Variants in ABCD2 observed in about 807,000 individuals in gnomAD.
The protein encoded by ABCD2 is ATP-binding cassette sub-family D member 2.
Under a neutral mutation model 70.9 loss-of-function variants are expected in ABCD2, and 36 were observed. The observed-to-expected ratio is 0.51, with a 90% confidence interval of 0.39 to 0.67. The LOEUF (loss-of-function observed/expected upper bound fraction) is 0.67, where lower values mean the gene tolerates loss of function less well. Among genes scored for constraint, ABCD2 ranks in the 30% least tolerant of loss-of-function variants. ABCD2 has a pLI of 0.00. For synonymous variants in ABCD2, 304 were observed against 306.9 expected (o/e 0.99, Z 0.10); for missense variants, 729 against 890.2 (o/e 0.82, Z 2.30).
At chr12:39,574,415 A>G (rs757714093) in intron 8 of ABCD2, among the ~76,000 whole-genome samples, 1 of 152,186 alleles carries the variant, frequency 6.6e-6, no homozygotes, top group Non-Finnish European at 1.5e-5. Context: ...TCAAATTCTT[A>G]GGAGGAAAAG....
chr12:39,577,837 A>G (rs1227078867), intron 8 of ABCD2, among the ~76,000 whole-genome samples: 1 of 152,192 alleles, frequency 6.6e-6, no homozygotes, highest in African/African-American at 2.4e-5. Flanking sequence ...TGAGTAGATA[A>G]ATCAAGTGTA....
At chr12:39,539,777 C>A in the ABCD2 span, 1 of 157,674 alleles carries the variant, frequency 6.3e-6, no homozygotes, top group South Asian at 1.9e-4. Context: ...TAGCTATTGT[C>A]TGTGCTGGGG....
Position 39,602,127 on chromosome 12 carries a change from TTTTATTTATTTA to T in ABCD2, c.1501-1423_1501-1412del, listed in dbSNP as rs78767678. Among the ~76,000 whole-genome samples the T allele has an allele frequency of 2.0e-3, 288 of 145,306 alleles. 2 individuals are homozygous for T. The highest frequency in any genetic ancestry group is 4.5e-3 in the African/African-American group (179 of 39,398). On this transcript the variant is annotated intron_variant, in intron 5 of 9. Transcript: ENST00000308666. ...CAAATAATTTTTAATTTTTTAAAAA[TTTTATTTATTTA>T]TTTATTTATTTATTTATTTATTTAT...
intron 5 of ABCD2, among the ~76,000 whole-genome samples, chr12:39,602,554 A>G (rs754329930): frequency 6.6e-6 from 1 of 152,206 alleles, no homozygotes; most frequent in East Asian, 1.9e-4. Flanking sequence ...ACTTCCTATT[A>G]TATTTTAGGG....
At chr12:39,560,217 G>A (rs1941235095) in intron 9 of ABCD2, among the ~76,000 whole-genome samples, 1 of 152,080 alleles carries the variant, frequency 6.6e-6, no homozygotes, top group South Asian at 2.1e-4. Context: ...GTGTCCAAGT[G>A]TTCTCATTGT....
chr12:39,570,226 G>GA (rs1295762771), intron 9 of ABCD2, among the ~76,000 whole-genome samples: 3 of 151,914 alleles, frequency 2.0e-5, no homozygotes, highest in Non-Finnish European at 4.4e-5. Context: ...CAGAGAAATA[G>GA]AAAAAAAATT....
At chr12:39,612,157 A>G (rs904052196) in intron 2 of ABCD2, among the ~76,000 whole-genome samples, 1 of 152,158 alleles carries the variant, frequency 6.6e-6, no homozygotes, top group South Asian at 2.1e-4. Flanking sequence ...TTTTTTTGGA[A>G]AACTGTTTTA....
At chr12:39,614,477 A>G (rs906004302) in intron 2 of ABCD2, among the ~76,000 whole-genome samples, 5 of 151,800 alleles carry the variant, frequency 3.3e-5, no homozygotes, top group African/African-American at 4.8e-5. Flanking sequence ...TTTTTTCTTC[A>G]TTTTATCCTC....
intron 9 of ABCD2, among the ~76,000 whole-genome samples, chr12:39,570,821 C>G (rs1452305475): frequency 6.6e-6 from 1 of 152,168 alleles, no homozygotes; most frequent in East Asian, 1.9e-4. Flanking sequence ...AGATACCTAT[C>G]AAATTGGAGA....
chr12:39,609,335 T>G (rs1253784173), intron 2 of ABCD2, among the ~76,000 whole-genome samples: 1 of 152,180 alleles, frequency 6.6e-6, no homozygotes, highest in Non-Finnish European at 1.5e-5. Context: ...ACATCTATTT[T>G]CTCACCTGTA....
chr12:39,542,826 CA>C, the ABCD2 span, among the ~76,000 whole-genome samples: 1 of 151,998 alleles, frequency 6.6e-6, no homozygotes, highest in Non-Finnish European at 1.5e-5. Context: ...AAGGGTCAGC[CA>C]ATGATCAGCT....
At chr12:39,567,269 T>C (rs546301129) in intron 9 of ABCD2, among the ~76,000 whole-genome samples, 7 of 152,272 alleles carry the variant, frequency 4.6e-5, no homozygotes, top group African/African-American at 1.7e-4. Flanking sequence ...GGAGTCTAAG[T>C]CTCTTTCTAG....
At chr12:39,604,705 G>T (rs759813985) in intron 4 of ABCD2, 57 bp downstream of exon 4, 282 of 1,363,918 alleles carry the variant, frequency 2.1e-4, no homozygotes, top group Middle Eastern at 2.7e-4. Flanking sequence ...CTTAAACTTT[G>T]GTTCTGTTGA....
intron 2 of ABCD2, among the ~76,000 whole-genome samples, chr12:39,613,995 T>A (rs1942081883): frequency 6.6e-6 from 1 of 152,324 alleles, no homozygotes; most frequent in East Asian, 1.9e-4. Flanking sequence ...TTGAACGTGC[T>A]CCTTTAAGCT....
the ABCD2 span, among the ~76,000 whole-genome samples, chr12:39,534,033 T>G: frequency 2.6e-5 from 4 of 152,240 alleles, no homozygotes; most frequent in African/African-American, 9.6e-5. Context: ...CAAATTGTGA[T>G]AGTATTACTG....
At chr12:39,562,548 G>C (rs907858120) in intron 9 of ABCD2, among the ~76,000 whole-genome samples, 2 of 151,994 alleles carry the variant, frequency 1.3e-5, no homozygotes, top group Non-Finnish European at 2.9e-5. Context: ...TGAGACTGTT[G>C]TAAACAATTA....
chr12:39,602,131 A>T (rs1941907374), intron 5 of ABCD2, among the ~76,000 whole-genome samples: 1 of 88,944 alleles, frequency 1.1e-5, no homozygotes. Flanking sequence ...TAAAAATTTT[A>T]TTTATTTATT....
At chr12:39,613,903 G>T (rs929383362) in intron 2 of ABCD2, among the ~76,000 whole-genome samples, 52 of 152,166 alleles carry the variant, frequency 3.4e-4, no homozygotes, top group African/African-American at 1.2e-3. Flanking sequence ...ATCTGCAATA[G>T]AATTATTTTT....
chr12:39,602,230 A>G (rs1566578617), intron 5 of ABCD2, among the ~76,000 whole-genome samples: 1 of 151,290 alleles, frequency 6.6e-6, no homozygotes, highest in Non-Finnish European at 1.5e-5. Flanking sequence ...TTGGCTCACT[A>G]CAACCTCTGC....
Sources: gnomAD v4.1 joint callset for allele counts (sites outside exome capture counted in the v4.1 genomes callset) on GRCh38, gnomAD v4.1.1 for gene constraint, MANE v1.5 for transcripts, NCBI Gene and HGNC (gene_info 2026-07-23, HGNC 2026-07-21) for gene names.